The following ADGRA2 variants were observed in gnomAD, a reference collection of about 807,000 sequenced individuals.
The protein encoded by ADGRA2 is adhesion G protein-coupled receptor A2.
Under a neutral mutation model 98.7 loss-of-function variants are expected in ADGRA2, and 61 were observed. That is an observed-to-expected ratio of 0.62 (90% confidence interval 0.50 to 0.76). The LOEUF is 0.76. Among genes scored for constraint, ADGRA2 ranks in the 30% least tolerant of loss-of-function variants. The pLI is 0.00. For synonymous variants in ADGRA2, 858 were observed against 831.5 expected (o/e 1.03, Z -0.55); for missense variants, 1,712 against 1,860.0 (o/e 0.92, Z 1.46).
chr8:37,834,175 AG>A lies in ADGRA2; in HGVS notation c.1608+49del. The A allele has an allele frequency of 2.0e-6, 3 of 1,535,352 alleles. No individual in the cohort carries two copies. Among genetic ancestry groups the A allele is most frequent in the Non-Finnish European group, 2.7e-6 (3 of 1,128,680 alleles). Reference sequence around the variant, plus strand: ...GGTGGCCCTGGCATGCAGAGGAGGGAGGCGCTCCCTCTCAGGCGTGCACCTG... The same window carrying A: ...GGTGGCCCTGGCATGCAGAGGAGGGAGCGCTCCCTCTCAGGCGTGCACCTG... On this transcript the variant is annotated intron_variant, in intron 11 of 18. Transcript: ENST00000412232. The surrounding 1 kb of genome is among the most constrained non-coding windows in gnomAD (Gnocchi z 4.2).
In ADGRA2 at chr8:37,806,526, C is replaced by CTTTTTTTTTTTTTTTTTTTTTTTTTT. The variant is rs533491458; in HGVS notation, c.267-8354_267-8353insTTTTTTTTTTTTTTTTTTTTTTTTTT. 4.3e-4 allele frequency among the ~76,000 whole-genome samples: 43 copies of CTTTTTTTTTTTTTTTTTTTTTTTTTT among 100,356 alleles called. 5 individuals carry two copies. The highest frequency in any genetic ancestry group is 1.2e-3 in the African/African-American group (24 of 19,494). The allele number at this position is 100,356 out of a possible 152,430, so 65.8% of individuals were successfully genotyped here. On this transcript the variant is annotated intron_variant, in intron 1 of 18. Coordinates refer to ENST00000412232, the MANE Select transcript of ADGRA2 (RefSeq NM_032777.10). ...CTTTTTCTTTTTCTTTTTTCTTTTT[C>CTTTTTTTTTTTTTTTTTTTTTTTTTT]TTTTTTTTTTTTTTTTGAGACAGAG... is the stretch of plus-strand genomic sequence containing the variant.
intron 1 of ADGRA2, among the ~76,000 whole-genome samples, chr8:37,806,832 T>C (rs1285545867): frequency 1.3e-5 from 2 of 152,090 alleles, no homozygotes; most frequent in African/African-American, 4.8e-5. Context: ...GCCCGGCATG[T>C]AGCCCATTTT....
In ADGRA2 at chr8:37,835,690, A is replaced by G. The variant is rs1354754552; in HGVS notation, c.1970A>G (p.His657Arg). The change falls in exon 13 of 19, where the codon CAC (histidine) becomes CGC (arginine). Residue 657 changes from histidine (H) to arginine (R), a missense_variant. Transcript: ENST00000412232. ...VFRNGRLFHS[H>R]SNTSRPGAAG... is the part of the protein sequence containing the mutation. ...CGAAATGGCCGCCTCTTCCACAGCC[A>G]CAGCAACACCTCCCGCCCTGGAGCT... 6.2e-7 allele frequency: 1 copy of G among 1,613,888 alleles called. No homozygotes were observed. Among genetic ancestry groups the G allele is most frequent in the Non-Finnish European group, 8.5e-7 (1 of 1,179,962 alleles).
chr8:37,811,301 C>T (rs1328208872), intron 1 of ADGRA2, among the ~76,000 whole-genome samples: 2 of 148,426 alleles, frequency 1.3e-5, no homozygotes, highest in African/African-American at 2.5e-5. Flanking sequence ...TCCCAAGTGG[C>T]TGGGATTACA....
At chr8:37,835,863 C>T (rs570137926) in intron 13 of ADGRA2, 93 bp downstream of exon 13, 6 of 777,008 alleles carry the variant, frequency 7.7e-6, no homozygotes, top group South Asian at 1.6e-5. Context: ...CACAGCCCCC[C>T]AGTGCCGTAG....
Position 37,834,252 on chromosome 8 carries a change from G to T in ADGRA2, c.1608+124G>T, listed in dbSNP as rs1291781234. 8.5e-6 allele frequency: 8 copies of T among 939,136 alleles called. No individual in the cohort carries two copies. The highest frequency in any genetic ancestry group is 1.2e-5 in the Non-Finnish European group (8 of 640,830). The allele number at this position is 939,136 out of a possible 1,614,324, so 58.2% of individuals were successfully genotyped here. ...AGACGTGACAAAGTTCTGAGCCATG[G>T]GGTTCACTTCCAAGTTGTCAGGGGC... is the stretch of plus-strand genomic sequence containing the variant. On this transcript the variant is annotated intron_variant, in intron 11 of 18. Coordinates refer to ENST00000412232, the MANE Select transcript of ADGRA2 (RefSeq NM_032777.10). This position sits in a 1 kb window ranked among gnomAD's most constrained non-coding sequence, Gnocchi z 4.2.
rs138505796 is a variant in ADGRA2 at position 37,833,176 on chromosome 8, G to T, written c.1264G>T (p.Asp422Tyr). ...GDYSHCLYTN[D>Y]ITRVLYTFVL... ...CTACTCCCACTGTCTCTACACCAAC[G>T]ACATCACCAGGGTGCTGTACACCTT... Residue 422 changes from aspartate to tyrosine, a missense_variant, in exon 9 of 19, where the codon GAC becomes TAC. Transcript: ENST00000412232. 11 of 1,612,860 alleles carry T rather than the reference G, an allele frequency of 6.8e-6. No homozygotes were observed. Among genetic ancestry groups the T allele is most frequent in the South Asian group, 1.1e-5 (1 of 91,040 alleles).
rs550241488 is a variant in ADGRA2 at position 37,801,238 on chromosome 8, G to A, written c.266+3704G>A. ...ATTTTTCTCTAGTGGATTTTCATTCGCAGTTTTCCAGGAAAGCTGAGCTCT... is the reference window on the plus strand; with the variant it reads ...ATTTTTCTCTAGTGGATTTTCATTCACAGTTTTCCAGGAAAGCTGAGCTCT... On this transcript the variant is annotated intron_variant, in intron 1 of 18. Coordinates refer to ENST00000412232, the MANE Select transcript of ADGRA2 (RefSeq NM_032777.10). Among the ~76,000 whole-genome samples the A allele has an allele frequency of 5.3e-5, 8 of 152,196 alleles. No individual in the cohort carries two copies. The South Asian group carries it at 1.2e-3, about 24-fold the overall frequency.
chr8:37,835,097 C>A, intron 11 of ADGRA2, 77 bp from the exon 12 acceptor site: 4 of 1,020,528 alleles, frequency 3.9e-6, no homozygotes, highest in African/African-American at 1.6e-5. Context: ...CCTGAGCAGG[C>A]CCATTGAGAG....
rs569745337 is a variant in ADGRA2, at chr8:37,830,103, C to G, written c.718+89C>G. ...AGACACGAGCCTCCCCTCAGACCCACAGGTTTTTACCTTTGTATTGCAATT... is the reference window on the plus strand; with the variant it reads ...AGACACGAGCCTCCCCTCAGACCCAGAGGTTTTTACCTTTGTATTGCAATT... On this transcript the variant is annotated intron_variant, in intron 6 of 18. Coordinates refer to ENST00000412232, the MANE Select transcript of ADGRA2 (RefSeq NM_032777.10). This position sits in a 1 kb window ranked among gnomAD's most constrained non-coding sequence, Gnocchi z 4.8. The G allele has an allele frequency of 3.2e-5, 27 of 850,814 alleles. 1 individual carries two copies. The African/African-American group carries it at 4.1e-4, about 13-fold the overall frequency. 52.7% of individuals were successfully genotyped at this position (850,814 alleles called of 1,614,324 possible).
chr8:37,840,975 A>C, intron 18 of ADGRA2, 111 bp from the exon 19 acceptor site: 3 of 1,252,670 alleles, frequency 2.4e-6, no homozygotes, highest in Middle Eastern at 5.3e-4. Context: ...ATGCTGACCA[A>C]GCCGTCCTTG....
chr8:37,844,810 C>A lies in ADGRA2; in HGVS notation c.*2455C>A. The A allele has an allele frequency of 6.2e-7, 1 of 1,614,176 alleles. No homozygotes were observed. The highest frequency in any genetic ancestry group is 8.5e-7 in the Non-Finnish European group (1 of 1,180,032). Reference sequence around the variant, plus strand: ...CGGGTCTCCACTTCTGCTGTCCCATCCCGAAAGGCAGAGCGGACCAGTGAC... The same window carrying A: ...CGGGTCTCCACTTCTGCTGTCCCATACCGAAAGGCAGAGCGGACCAGTGAC... On this transcript the variant is annotated 3_prime_UTR_variant, in exon 19 of 19. Coordinates refer to ENST00000412232, the MANE Select transcript of ADGRA2 (RefSeq NM_032777.10).
At chr8:37,821,770 G>C (rs1235888102) in intron 2 of ADGRA2, among the ~76,000 whole-genome samples, 2 of 152,212 alleles carry the variant, frequency 1.3e-5, no homozygotes, top group Non-Finnish European at 2.9e-5. Flanking sequence ...TACTTAATGA[G>C]ATTAATGAGC....
In ADGRA2 at chr8:37,841,385, G is replaced by A. The variant is rs1358750536; in HGVS notation, c.3047G>A (p.Gly1016Glu). 3.1e-6 allele frequency: 5 copies of A among 1,611,556 alleles called. No individual in the cohort carries two copies. Among genetic ancestry groups the A allele is most frequent in the Non-Finnish European group, 4.2e-6 (5 of 1,179,220 alleles). ...PEDGDSLYSP[G>E]VQLGALVTTH... ...GATGGTGACAGCCTCTATTCTCCGGGAGTCCAGCTAGGGGCGCTGGTGACC... is the reference window on the plus strand; with the variant it reads ...GATGGTGACAGCCTCTATTCTCCGGAAGTCCAGCTAGGGGCGCTGGTGACC... The change falls in exon 19 of 19, where the codon GGA becomes GAA. Residue 1016 changes from glycine (G) to glutamate (E), a missense_variant. By Grantham distance (98) the Gly-to-Glu change is moderately conservative (BLOSUM62 -2). Transcript: ENST00000412232. This position sits in a 1 kb window ranked among gnomAD's most constrained non-coding sequence, Gnocchi z 5.0.
chr8:37,840,920 C>A, intron 18 of ADGRA2, 71 bp downstream of exon 18: 1 of 884,126 alleles, frequency 1.1e-6, no homozygotes, highest in Non-Finnish European at 1.7e-6. Flanking sequence ...ACTGGCAGGG[C>A]CATCTGCCAG....
In ADGRA2 at chr8:37,841,781, AGGC is replaced by A. The variant is rs1426374318; in HGVS notation, c.3446_3448del (p.Ala1149del). 13 of 1,534,916 alleles carry A rather than the reference AGGC, an allele frequency of 8.5e-6. No homozygotes were observed. The highest frequency in any genetic ancestry group is 4.2e-5 in the African/African-American group (3 of 72,090). Reference sequence around the variant, plus strand: ...CAGCTGGCCCAGAGTCAGGTGTGCGAGGCGGGGGCGGCGGCCGGCGGGGAAGGA... The same window carrying A: ...CAGCTGGCCCAGAGTCAGGTGTGCGAGGGGGCGGCGGCCGGCGGGGAAGGA... On this transcript the variant is annotated inframe_deletion, in exon 19 of 19. Transcript: ENST00000412232. The surrounding 1 kb of genome is among the most constrained non-coding windows in gnomAD (Gnocchi z 5.0).
At chr8:37,813,051 G>A (rs990310898) in intron 1 of ADGRA2, among the ~76,000 whole-genome samples, 14 of 151,924 alleles carry the variant, frequency 9.2e-5, no homozygotes, top group South Asian at 2.1e-4. Context: ...GGTGGAGTGA[G>A]GCAGGCTTTG....
At chr8:37,817,315 G>T (rs1805008009) in intron 2 of ADGRA2, among the ~76,000 whole-genome samples, 1 of 152,202 alleles carries the variant, frequency 6.6e-6, no homozygotes, top group African/African-American at 2.4e-5. Flanking sequence ...AGTGACATTT[G>T]CACGCGGCTC....
chr8:37,804,360 C>T (rs1804600358), intron 1 of ADGRA2, among the ~76,000 whole-genome samples: 1 of 152,226 alleles, frequency 6.6e-6, no homozygotes, highest in African/African-American at 2.4e-5. Context: ...CAGTCTCAAA[C>T]AGTGACACTG....
Sources: allele counts gnomAD v4.1 joint callset (sites outside exome capture counted in the v4.1 genomes callset), GRCh38; gene constraint gnomAD v4.1.1; non-coding constraint Gnocchi (gnomAD v3.1); transcripts MANE v1.5; gene names NCBI Gene and HGNC (gene_info 2026-07-23, HGNC 2026-07-21).